PAK2: variants seen among roughly 807,000 people sequenced by gnomAD.
PAK2 encodes the protein p21 (RAC1) activated kinase 2.
PAK2 carries 21 observed loss-of-function variants against 65.9 expected under a neutral mutation model. The ratio of observed to expected loss-of-function variants is 0.32; its 90% CI spans 0.23 to 0.46. The LOEUF is 0.46. Among genes scored for constraint, PAK2 ranks in the 20% least tolerant of loss-of-function variants. The probability of loss-of-function intolerance (pLI) is 1.00; values close to 1 mark genes in which losing one functional copy is unlikely to be tolerated. For missense variants in PAK2, 324 were observed against 642.6 expected, an observed-to-expected ratio of 0.50 and a Z score of 5.36; for synonymous variants, 204 against 219.7, an observed-to-expected ratio of 0.93 and a Z score of 0.63.
At chr3:196,795,635 A>G (rs1179422017) in intron 2 of PAK2, among the ~76,000 whole-genome samples, 1 of 152,184 alleles carries the variant, frequency 6.6e-6, no homozygotes, top group Non-Finnish European at 1.5e-5. Flanking sequence ...TCTTTAAAGT[A>G]TTTAAAGGGA....
At chr3:196,807,723 A>G in intron 6 of PAK2, 59 bp from the exon 7 acceptor site, 3 of 989,654 alleles carry the variant, frequency 3.0e-6, no homozygotes, top group Non-Finnish European at 4.7e-6. Flanking sequence ...TTAGTTTGCC[A>G]GGAAGAATAT....
intron 1 of PAK2, among the ~76,000 whole-genome samples, chr3:196,773,945 G>A (rs1241573695): frequency 2.0e-5 from 3 of 151,454 alleles, no homozygotes; most frequent in Admixed American, 1.3e-4. Context: ...GGGAGGCTGA[G>A]GCAGGAGAAT....
At chr3:196,747,145 A>G (rs913129743) in intron 1 of PAK2, 2 of 145,110 alleles carry the variant, frequency 1.4e-5, no homozygotes, top group African/African-American at 5.1e-5. Context: ...CCTGATTTCT[A>G]CTTTTCTCTT....
intron 1 of PAK2, among the ~76,000 whole-genome samples, chr3:196,766,378 C>T (rs1329978174): frequency 6.6e-6 from 1 of 152,068 alleles, no homozygotes; most frequent in African/African-American, 2.4e-5. Context: ...CTGTGTAATA[C>T]ATATAATACA....
intron 6 of PAK2, among the ~76,000 whole-genome samples, chr3:196,807,323 G>A (rs975267989): frequency 1.1e-4 from 17 of 152,150 alleles, no homozygotes; most frequent in African/African-American, 3.4e-4. Flanking sequence ...AGAGGACTCC[G>A]TTTTCTTTAG....
At chr3:196,757,008 T>C (rs748414304) in intron 1 of PAK2, among the ~76,000 whole-genome samples, 4 of 152,226 alleles carry the variant, frequency 2.6e-5, no homozygotes, top group African/African-American at 4.8e-5. Context: ...GGGGTTCTTA[T>C]TCCTGACACA....
intron 1 of PAK2, among the ~76,000 whole-genome samples, chr3:196,750,927 C>A (rs1030764728): frequency 6.6e-6 from 1 of 151,920 alleles, no homozygotes; most frequent in Non-Finnish European, 1.5e-5. Context: ...GTGTACAGTT[C>A]TTTGGCATTA....
intron 1 of PAK2, among the ~76,000 whole-genome samples, chr3:196,751,663 T>TATA (rs1713589849): frequency 0.046 from 2,089 of 45,516 alleles, 290 homozygotes; most frequent in South Asian, 0.074. Context: ...ACACACAAAT[T>TATA]TATTTATATA....
chr3:196,742,353 G>T (rs1713226388), intron 1 of PAK2, among the ~76,000 whole-genome samples: 1 of 152,102 alleles, frequency 6.6e-6, no homozygotes, highest in Non-Finnish European at 1.5e-5. Context: ...CTCCCAAAAT[G>T]CTGGGATAGG....
intron 11 of PAK2, among the ~76,000 whole-genome samples, chr3:196,815,691 A>G (rs938390855): frequency 1.3e-5 from 2 of 151,600 alleles, no homozygotes; most frequent in Admixed American, 6.6e-5. Context: ...GGAGGCTGAG[A>G]CGGGAGATTA....
chr3:196,826,687 G>A (rs536398192), intron 13 of PAK2, among the ~76,000 whole-genome samples: 38 of 152,118 alleles, frequency 2.5e-4, no homozygotes, highest in African/African-American at 7.2e-4. Context: ...TTGGGAGGCC[G>A]AGGCAGGTGG....
At chr3:196,751,683 AT>A (rs1713598338) in intron 1 of PAK2, among the ~76,000 whole-genome samples, 1 of 79,890 alleles carries the variant, frequency 1.3e-5, no homozygotes, top group African/African-American at 5.6e-5. Flanking sequence ...ACATATATAT[AT>A]ATATATATAT....
At chr3:196,786,491 T>C (rs919799013) in intron 2 of PAK2, among the ~76,000 whole-genome samples, 2 of 152,162 alleles carry the variant, frequency 1.3e-5, no homozygotes, top group African/African-American at 4.8e-5. Context: ...TTCGAGCTTT[T>C]TGTTTTTTAA....
chr3:196,787,393 A>G (rs893858357), intron 2 of PAK2, among the ~76,000 whole-genome samples: 19 of 151,912 alleles, frequency 1.3e-4, no homozygotes, highest in African/African-American at 4.6e-4. Flanking sequence ...ATCCTGGCTA[A>G]CAAGGTGAAA....
intron 2 of PAK2, among the ~76,000 whole-genome samples, chr3:196,788,777 A>G (rs2108746251): frequency 6.6e-6 from 1 of 152,340 alleles, no homozygotes; most frequent in South Asian, 2.1e-4. Context: ...ATGCCCGGGA[A>G]GAGCCTGTTT....
At chr3:196,760,620 C>T (rs1022782861) in intron 1 of PAK2, among the ~76,000 whole-genome samples, 24 of 152,134 alleles carry the variant, frequency 1.6e-4, no homozygotes, top group African/African-American at 5.6e-4. Context: ...CATGTGCAGC[C>T]GCATTATGGG....
chr3:196,815,489 CAAAA>C (rs796383290), intron 11 of PAK2, among the ~76,000 whole-genome samples: 1 of 96,210 alleles, frequency 1.0e-5, no homozygotes, highest in Non-Finnish European at 2.2e-5. Context: ...AAGATTGTCT[CAAAA>C]AAAAAAAAAA....
intron 2 of PAK2, among the ~76,000 whole-genome samples, chr3:196,788,454 C>CA (rs1232153548): frequency 6.6e-6 from 1 of 152,020 alleles, no homozygotes; most frequent in Admixed American, 6.6e-5. Context: ...TTGGTATCAC[C>CA]AAAAAACTCG....
intron 1 of PAK2, among the ~76,000 whole-genome samples, chr3:196,769,010 G>T (rs892636311): frequency 9.2e-5 from 14 of 151,906 alleles, no homozygotes; most frequent in Non-Finnish European, 1.9e-4. Context: ...ACCCAGGCTG[G>T]AAGTTCTCCT....
Sources: allele counts gnomAD v4.1 joint callset (sites outside exome capture counted in the v4.1 genomes callset), GRCh38; gene constraint gnomAD v4.1.1; transcripts MANE v1.5; gene names NCBI Gene and HGNC (gene_info 2026-07-23, HGNC 2026-07-21).